The following SMAD3 variants were observed in gnomAD, a reference collection of about 807,000 sequenced individuals.
SMAD3 encodes the protein SMAD family member 3, also known as MAD homolog 3.
In SMAD3, 12 loss-of-function variants were observed where a neutral mutation model predicts 51.8. The ratio of observed to expected loss-of-function variants is 0.23; its 90% CI spans 0.15 to 0.38. The LOEUF (loss-of-function observed/expected upper bound fraction) is 0.38. SMAD3 is among the 10% of genes least tolerant of loss of function. The pLI, the probability that SMAD3 is intolerant of heterozygous loss-of-function variation, is 1.00. For missense variants in SMAD3, 294 were observed against 565.6 expected, an observed-to-expected ratio of 0.52 and a Z score of 4.87; for synonymous variants, 238 against 227.7, an observed-to-expected ratio of 1.05 and a Z score of -0.41.
intron 5 of SMAD3, among the ~76,000 whole-genome samples, chr15:67,178,574 A>G (rs1430042707): frequency 1.3e-5 from 2 of 152,194 alleles, no homozygotes; most frequent in African/African-American, 2.4e-5. Context: ...CATGTCCCCA[A>G]GGTCACACAG....
chr15:67,135,265 A>T (rs1297512325), intron 1 of SMAD3, among the ~76,000 whole-genome samples: 1 of 152,126 alleles, frequency 6.6e-6, no homozygotes, highest in Non-Finnish European at 1.5e-5. Flanking sequence ...AGCTCCAGTG[A>T]GCTCTTCTCA....
Position 67,095,625 on chromosome 15 carries a change from G to A in SMAD3, c.206+29265G>A, listed in dbSNP as rs530080833. ...TCGGCTCTCTGTAACCTCTGCCTGCGGGTTCAAGTGATTCTCCTGCTTCAG... is the reference window on the plus strand; with the variant it reads ...TCGGCTCTCTGTAACCTCTGCCTGCAGGTTCAAGTGATTCTCCTGCTTCAG... On this transcript the variant is annotated intron_variant, in intron 1 of 8. Coordinates refer to ENST00000327367, the MANE Select transcript of SMAD3 (RefSeq NM_005902.4). 3.3e-5 allele frequency among the ~76,000 whole-genome samples: 5 copies of A among 152,114 alleles called. No homozygotes were observed. In the East Asian group the frequency reaches 7.7e-4, roughly 23 times the overall value.
chr15:67,137,462 T>G (rs375993518), intron 1 of SMAD3, among the ~76,000 whole-genome samples: 1 of 152,254 alleles, frequency 6.6e-6, no homozygotes, highest in African/African-American at 2.4e-5. Flanking sequence ...TTAGTACTCA[T>G]GTTAGCTTCT....
At chr15:67,093,662 A>G (rs1211658783) in intron 1 of SMAD3, among the ~76,000 whole-genome samples, 2 of 152,276 alleles carry the variant, frequency 1.3e-5, no homozygotes, top group Non-Finnish European at 2.9e-5. Context: ...CTCAGAGTCC[A>G]GAGAGCTGCT....
intron 1 of SMAD3, among the ~76,000 whole-genome samples, chr15:67,071,686 C>T (rs1375851552): frequency 6.6e-6 from 1 of 152,150 alleles, no homozygotes; most frequent in African/African-American, 2.4e-5. Context: ...GTGGCAGGCG[C>T]CTGTAGTCCC....
intron 5 of SMAD3, among the ~76,000 whole-genome samples, chr15:67,179,986 G>A (rs2140312460): frequency 6.6e-6 from 1 of 152,296 alleles, no homozygotes; most frequent in South Asian, 2.1e-4. Flanking sequence ...GTCGCTTCGG[G>A]TATATTTAAG....
At position 67,173,499 on chromosome 15, in the gene SMAD3, C is replaced by T. The variant is rs573805924; in HGVS notation, c.658+2895C>T. Among the ~76,000 whole-genome samples the T allele has an allele frequency of 6.6e-5, 10 of 152,216 alleles. No individual in the cohort carries two copies. In the East Asian group the frequency reaches 1.9e-3, roughly 29 times the overall value. On this transcript the variant is annotated intron_variant, in intron 5 of 8. Transcript: ENST00000327367. ...CCAAGGGCATTATGTGGTCTGAGGA[C>T]AGCTGGCATGGTGGTTGGTTGTTGT...
At chr15:67,098,459 G>A in intron 1 of SMAD3, 1 of 214,662 alleles carries the variant, frequency 4.7e-6, no homozygotes, top group East Asian at 7.1e-5. Context: ...AGCCCAGCTT[G>A]TGGTTGAGAA....
intron 1 of SMAD3, among the ~76,000 whole-genome samples, chr15:67,125,565 A>G (rs1329401381): frequency 1.3e-5 from 2 of 152,228 alleles, no homozygotes; most frequent in African/African-American, 4.8e-5. Context: ...TTTAGGCGTT[A>G]TTGGGCCTTT....
chr15:67,185,215 G>A (rs181003233), intron 7 of SMAD3, among the ~76,000 whole-genome samples: 21 of 152,280 alleles, frequency 1.4e-4, no homozygotes, highest in Admixed American at 1.3e-3. Context: ...AGGTAGATGC[G>A]GCCCTGCTCT....
chr15:67,109,654 A>G (rs1454563085), intron 1 of SMAD3, among the ~76,000 whole-genome samples: 1 of 152,250 alleles, frequency 6.6e-6, no homozygotes, highest in African/African-American at 2.4e-5. Flanking sequence ...CAAAGAAGGA[A>G]AAGCGAGAGG....
chr15:67,112,148 TC>T (rs1411402149), intron 1 of SMAD3, among the ~76,000 whole-genome samples: 1 of 67,934 alleles, frequency 1.5e-5, no homozygotes, highest in African/African-American at 5.5e-5. Context: ...TCTTTTTTTT[TC>T]TTTCCTTTTT....
intron 4 of SMAD3, among the ~76,000 whole-genome samples, 186 bp downstream of exon 4, chr15:67,167,039 G>A (rs1222091175): frequency 6.6e-6 from 1 of 152,200 alleles, no homozygotes; most frequent in African/African-American, 2.4e-5. Flanking sequence ...CAGATGATGG[G>A]GGAGATTGAC....
In SMAD3 at chr15:67,193,550, C is replaced by T; in HGVS notation, c.*3014C>T. 4.3e-6 allele frequency: 1 copy of T among 233,476 alleles called. No homozygotes were observed. 14.5% of individuals were successfully genotyped at this position (233,476 alleles called of 1,614,324 possible). Reference sequence around the variant, plus strand: ...TGTGCTGGAACATCATCTCAGTTGGCCACCTTCCTGGCAGGCTGTAGACCT... The same window carrying T: ...TGTGCTGGAACATCATCTCAGTTGGTCACCTTCCTGGCAGGCTGTAGACCT... On this transcript the variant is annotated 3_prime_UTR_variant, in exon 9 of 9. Transcript: ENST00000327367.
At position 67,073,374 on chromosome 15, in the gene SMAD3, C is replaced by T. The variant is rs144966525; in HGVS notation, c.206+7014C>T. ...GTTTAAAATGAAAACACAGTAGAAG[C>T]CTATTAATTAAGAAGTTTGGCTAAT... On this transcript the variant is annotated intron_variant, in intron 1 of 8. Transcript: ENST00000327367. 1.4e-3 allele frequency among the ~76,000 whole-genome samples: 214 copies of T among 152,316 alleles called. 2 individuals carry two copies. Among genetic ancestry groups the T allele is most frequent in the African/African-American group, 5.0e-3 (206 of 41,556 alleles).
chr15:67,143,365 C>A (rs1487359302), intron 1 of SMAD3, among the ~76,000 whole-genome samples: 4 of 152,194 alleles, frequency 2.6e-5, no homozygotes, highest in African/African-American at 9.7e-5. Context: ...TTGACACAGT[C>A]TATTGGAGCA....
intron 5 of SMAD3, among the ~76,000 whole-genome samples, chr15:67,179,769 G>C (rs577980285): frequency 6.0e-4 from 91 of 152,210 alleles, no homozygotes; most frequent in African/African-American, 2.1e-3. Context: ...CCTCCTAGAC[G>C]TTGCCTGGCA....
At chr15:67,106,286 C>G (rs1960875562) in intron 1 of SMAD3, among the ~76,000 whole-genome samples, 1 of 152,180 alleles carries the variant, frequency 6.6e-6, no homozygotes, top group Non-Finnish European at 1.5e-5. Context: ...GGGTCTGAAT[C>G]CCAAACAAGG....
At chr15:67,123,691 C>T (rs774119816) in intron 1 of SMAD3, among the ~76,000 whole-genome samples, 47 of 152,258 alleles carry the variant, frequency 3.1e-4, no homozygotes, top group Middle Eastern at 3.4e-3. Context: ...AATTGGGAGA[C>T]GGACAAACTT....
Sources: gnomAD v4.1 joint callset for allele counts (sites outside exome capture counted in the v4.1 genomes callset) on GRCh38, gnomAD v4.1.1 for gene constraint, MANE v1.5 for transcripts, NCBI Gene and HGNC (gene_info 2026-07-23, HGNC 2026-07-21) for gene names.